The following SYNE3 variants were observed in gnomAD, a reference collection of about 807,000 sequenced individuals.
SYNE3 encodes spectrin repeat containing nuclear envelope family member 3.
Under a neutral mutation model 111.2 loss-of-function variants are expected in SYNE3, and 100 were observed. That is an observed-to-expected ratio of 0.90 (90% confidence interval 0.77 to 1.06). The LOEUF (loss-of-function observed/expected upper bound fraction) is 1.06. SYNE3 is among the 50% of genes least tolerant of loss of function. SYNE3 has a pLI of 0.00. For missense variants in SYNE3, 1,160 were observed against 1,240.3 expected, an observed-to-expected ratio of 0.94 and a Z score of 0.97; for synonymous variants, 547 against 533.9, an observed-to-expected ratio of 1.02 and a Z score of -0.34.
rs761794723 is a variant in SYNE3, at chr14:95,470,411, C to T, written c.145-2444G>A. Reference sequence around the variant, plus strand: ...GTTTGGGAGACCAAGGCAGGAGGATCGCTGAGGCCAGGAGTATGCAACCAC... The same window carrying T: ...GTTTGGGAGACCAAGGCAGGAGGATTGCTGAGGCCAGGAGTATGCAACCAC... On this transcript the variant is annotated intron_variant, in intron 2 of 17. Transcript: ENST00000682763. The surrounding 1 kb of genome is among the most constrained non-coding windows in gnomAD (Gnocchi z 4.2). Among the ~76,000 whole-genome samples, 22 of 151,712 alleles carry T rather than the reference C, an allele frequency of 1.5e-4. No individual in the cohort carries two copies. The highest frequency in any genetic ancestry group is 5.3e-4 in the Admixed American group (8 of 15,218).
At chr14:95,441,664 T>C (rs1886423371) in intron 11 of SYNE3, among the ~76,000 whole-genome samples, 1 of 152,156 alleles carries the variant, frequency 6.6e-6, no homozygotes, top group Non-Finnish European at 1.5e-5. Flanking sequence ...CTTCTACGGG[T>C]TTCTATGGGC....
chr14:95,481,701 G>A (rs1039287230), intron 1 of SYNE3, among the ~76,000 whole-genome samples: 1 of 152,230 alleles, frequency 6.6e-6, no homozygotes, highest in Admixed American at 6.5e-5. Flanking sequence ...GCAGAGGACG[G>A]GGAGAAATAG....
At position 95,435,207 on chromosome 14, in the gene SYNE3, T is replaced by C. The variant is rs1285992952; in HGVS notation, c.2538+1613A>G. On this transcript the variant is annotated intron_variant, in intron 15 of 17. Coordinates refer to ENST00000682763, the MANE Select transcript of SYNE3 (RefSeq NM_152592.6). ...AGTATCTGGAAGGTATGAAAAATGA[T>C]AGAGTTTCAGTTAAGACAGGAGCTA... 4.0e-5 allele frequency among the ~76,000 whole-genome samples: 6 copies of C among 151,806 alleles called. No homozygotes were observed. In the East Asian group the frequency reaches 9.7e-4, roughly 24 times the overall value.
At chr14:95,463,373 A>T (rs954522806) in intron 4 of SYNE3, among the ~76,000 whole-genome samples, 4 of 152,182 alleles carry the variant, frequency 2.6e-5, no homozygotes, top group African/African-American at 4.8e-5. Context: ...GCCAGAATTG[A>T]TGCTCACTCA....
rs1231868761 is a variant in SYNE3 at position 95,500,304 on chromosome 14, A to G, written c.-15+16292T>C. Among the ~76,000 whole-genome samples the G allele has an allele frequency of 6.6e-6, 1 of 152,170 alleles. No individual in the cohort carries two copies. The highest frequency in any genetic ancestry group is 6.5e-5 in the Admixed American group (1 of 15,274). ...TGCTTGTTCCTGCCAGAACTTTGAG[A>G]CGCCAGGTTTACGACGTGCCTGTGA... is the stretch of plus-strand genomic sequence containing the variant. On this transcript the variant is annotated intron_variant, in intron 1 of 17. Transcript: ENST00000682763. The surrounding 1 kb of genome is among the most constrained non-coding windows in gnomAD (Gnocchi z 4.7).
rs145127524 is a variant in SYNE3 at position 95,452,609 on chromosome 14, G to C, written c.1138-226C>G. ...CTGTCTGGTGCTGGGCTACAGTTCTGCTCTTTATTGCCCCCTACCTCCCAG... is the reference window on the plus strand; with the variant it reads ...CTGTCTGGTGCTGGGCTACAGTTCTCCTCTTTATTGCCCCCTACCTCCCAG... On this transcript the variant is annotated intron_variant, in intron 6 of 17. Transcript: ENST00000682763. 2.6e-5 allele frequency among the ~76,000 whole-genome samples: 4 copies of C among 152,294 alleles called. No homozygotes were observed. The East Asian group carries it at 7.7e-4, about 29-fold the overall frequency.
intron 16 of SYNE3, 37 bp downstream of exon 16, chr14:95,433,205 GCCCAGCTATAGTCCTGTC>G: frequency 6.3e-7 from 1 of 1,583,412 alleles, no homozygotes. Flanking sequence ...GGCAAATACG[GCCCAGCTATAGTCCTGTC>G]CCTGGAATCT....
At chr14:95,481,171 C>T (rs959843679) in intron 1 of SYNE3, among the ~76,000 whole-genome samples, 5 of 152,252 alleles carry the variant, frequency 3.3e-5, no homozygotes, top group African/African-American at 1.2e-4. Flanking sequence ...GACATGGAGG[C>T]ACTTGCAGTA....
At chr14:95,424,134 C>T (rs1360095050) in intron 17 of SYNE3, among the ~76,000 whole-genome samples, 8 of 152,160 alleles carry the variant, frequency 5.3e-5, no homozygotes, top group Admixed American at 5.2e-4. Flanking sequence ...CTCACGCAGT[C>T]TGAAGACAGT....
intron 11 of SYNE3, among the ~76,000 whole-genome samples, chr14:95,441,414 A>C (rs1886407934): frequency 6.6e-6 from 1 of 152,236 alleles, no homozygotes; most frequent in Non-Finnish European, 1.5e-5. Context: ...CCAACATCAG[A>C]TACCTGCCCC....
rs527821686 is a variant in SYNE3 at position 95,408,996 on chromosome 14, G to A, written c.*8830C>T. The A allele has an allele frequency of 8.7e-4, 326 of 372,892 alleles. 4 individuals carry two copies. Among genetic ancestry groups the A allele is most frequent in the South Asian group, 5.7e-3 (288 of 50,660 alleles). The allele number at this position is 372,892 out of a possible 1,614,324, so 23.1% of individuals were successfully genotyped here. On this transcript the variant is annotated 3_prime_UTR_variant, in exon 18 of 18. Coordinates refer to ENST00000682763, the MANE Select transcript of SYNE3 (RefSeq NM_152592.6). Reference sequence around the variant, plus strand: ...GCTCCCTTCAGCGGTGGGAGTCAACGGACTTCCCCGCAGGAGTGGGCACAG... The same window carrying A: ...GCTCCCTTCAGCGGTGGGAGTCAACAGACTTCCCCGCAGGAGTGGGCACAG...
chr14:95,492,992 C>T (rs566871441), intron 1 of SYNE3, among the ~76,000 whole-genome samples: 1 of 152,212 alleles, frequency 6.6e-6, no homozygotes, highest in African/African-American at 2.4e-5. Flanking sequence ...TCTAATCAAC[C>T]ATCTCTGCTT....
rs1903350557 is a variant in SYNE3, at chr14:95,408,721, C to T, written c.*9105G>A. On this transcript the variant is annotated 3_prime_UTR_variant, in exon 18 of 18. Coordinates refer to ENST00000682763, the MANE Select transcript of SYNE3 (RefSeq NM_152592.6). ...CCCTCCCACCCTGCCCACCCCTTCACATGCACACACAGCTTCCTCTGTCCG... is the reference window on the plus strand; with the variant it reads ...CCCTCCCACCCTGCCCACCCCTTCATATGCACACACAGCTTCCTCTGTCCG... 2 of 175,074 alleles carry T rather than the reference C, an allele frequency of 1.1e-5. No homozygotes were observed. Among genetic ancestry groups the T allele is most frequent in the South Asian group, 1.4e-4 (1 of 7,158 alleles). The allele number at this position is 175,074 out of a possible 1,614,324, so 10.8% of individuals were successfully genotyped here.
At chr14:95,476,232 A>G (rs1800568366) in intron 1 of SYNE3, among the ~76,000 whole-genome samples, 1 of 152,250 alleles carries the variant, frequency 6.6e-6, no homozygotes, top group South Asian at 2.1e-4. Context: ...GAATGGATCA[A>G]AGAGGCCTCA....
In SYNE3 at chr14:95,444,442, G is replaced by A. The variant is rs774564608; in HGVS notation, c.1776+43C>T. 9 of 1,548,856 alleles carry A rather than the reference G, an allele frequency of 5.8e-6. No individual in the cohort carries two copies. In the Admixed American group the frequency reaches 5.8e-5, roughly 10 times the overall value. ...GGAGACGCTGCTTCCAGGTGCAGCTGAGCACCTGGGCAGGAGTGATTCAGG... is the reference window on the plus strand; with the variant it reads ...GGAGACGCTGCTTCCAGGTGCAGCTAAGCACCTGGGCAGGAGTGATTCAGG... On this transcript the variant is annotated intron_variant, in intron 10 of 17. Transcript: ENST00000682763.
At chr14:95,446,347 A>G (rs1175568216) in intron 8 of SYNE3, among the ~76,000 whole-genome samples, 2 of 151,314 alleles carry the variant, frequency 1.3e-5, no homozygotes, top group Non-Finnish European at 2.9e-5. Flanking sequence ...AGTAATATCC[A>G]CCTCCTACAG....
In SYNE3 at chr14:95,411,000, G is replaced by A. The variant is rs7140309; in HGVS notation, c.*6826C>T. 88,022 of 152,104 alleles carry A rather than the reference G, an allele frequency of 0.58. 26,003 individuals carry two copies. The highest frequency in any genetic ancestry group is 0.79 in the East Asian group (4,059 of 5,164). 9.4% of individuals were successfully genotyped at this position (152,104 alleles called of 1,614,324 possible). ...CTGTCATCCAGTGGGTGCAGAGACC[G>A]ACCCCCACTCCTGGAACTAACTCCC... On this transcript the variant is annotated 3_prime_UTR_variant, in exon 18 of 18. Transcript: ENST00000682763.
At chr14:95,438,838 C>T in intron 14 of SYNE3, 195 bp downstream of exon 14, 1 of 695,650 alleles carries the variant, frequency 1.4e-6, no homozygotes, top group Non-Finnish European at 2.3e-6. Context: ...TCTGGGATCT[C>T]TGAGGTCCTC....
chr14:95,473,385 C>T (rs1040989228), intron 2 of SYNE3, among the ~76,000 whole-genome samples: 1 of 151,996 alleles, frequency 6.6e-6, no homozygotes, highest in African/African-American at 2.4e-5. Flanking sequence ...TGCTAAGCAC[C>T]CTAACACAGT....
Sources: gnomAD v4.1 joint callset for allele counts (sites outside exome capture counted in the v4.1 genomes callset) on GRCh38, gnomAD v4.1.1 for gene constraint, Gnocchi (gnomAD v3.1) non-coding constraint, MANE v1.5 for transcripts, NCBI Gene and HGNC (gene_info 2026-07-23, HGNC 2026-07-21) for gene names.